LDLRAD4: variants seen among roughly 807,000 people sequenced by gnomAD.
LDLRAD4 encodes the protein low density lipoprotein receptor class A domain containing 4.
Under a neutral mutation model 17.0 loss-of-function variants are expected in LDLRAD4, and 5 were observed. That is an observed-to-expected ratio of 0.29 (90% confidence interval 0.15 to 0.62). The LOEUF is 0.62. LDLRAD4 is among the 20% of genes least tolerant of loss of function. LDLRAD4 has a pLI of 0.84. For missense variants in LDLRAD4, 340 were observed against 424.7 expected (o/e 0.80, Z 1.75); for synonymous variants, 168 against 171.8 (o/e 0.98, Z 0.17).
At chr18:13,545,990 T>C (rs1323899736) in intron 3 of LDLRAD4, among the ~76,000 whole-genome samples, 1 of 152,124 alleles carries the variant, frequency 6.6e-6, no homozygotes, top group African/African-American at 2.4e-5. Context: ...GGATGCAGTG[T>C]TCATAACTGT....
chr18:13,354,794 A>G (rs1377929224), intron 1 of LDLRAD4, among the ~76,000 whole-genome samples: 2 of 152,242 alleles, frequency 1.3e-5, no homozygotes, highest in African/African-American at 2.4e-5. Flanking sequence ...TTTGGTCGGC[A>G]CTGAGGGCAA....
intron 3 of LDLRAD4, among the ~76,000 whole-genome samples, chr18:13,563,994 C>A (rs1244992235): frequency 6.6e-6 from 1 of 152,212 alleles, no homozygotes; most frequent in Non-Finnish European, 1.5e-5. Flanking sequence ...CAGCCTCAAC[C>A]TCCTGAGCTC....
intron 3 of LDLRAD4, among the ~76,000 whole-genome samples, chr18:13,528,150 C>T (rs1431239687): frequency 6.6e-6 from 1 of 152,152 alleles, no homozygotes; most frequent in Non-Finnish European, 1.5e-5. Flanking sequence ...GGTAGCAGAT[C>T]CCTGAGAGTG....
intron 3 of LDLRAD4, among the ~76,000 whole-genome samples, chr18:13,473,778 A>G (rs1430187114): frequency 8.0e-5 from 12 of 149,996 alleles, no homozygotes; most frequent in African/African-American, 2.9e-4. Context: ...GAGAGACGCA[A>G]CCTCAGGCCC....
upstream of LDLRAD4, among the ~76,000 whole-genome samples, chr18:13,275,956 A>G (rs1307471315): frequency 6.6e-6 from 1 of 152,204 alleles, no homozygotes; most frequent in Admixed American, 6.5e-5. Flanking sequence ...TGCGTTTAGT[A>G]TATGCATATA....
intron 1 of LDLRAD4, among the ~76,000 whole-genome samples, chr18:13,248,632 T>C (rs1012468380): frequency 5.3e-5 from 8 of 152,356 alleles, no homozygotes; most frequent in African/African-American, 1.9e-4. Context: ...TATTTTATTT[T>C]AAAAATGGAC....
chr18:13,407,170 G>T (rs2087843653), intron 2 of LDLRAD4, among the ~76,000 whole-genome samples: 1 of 152,150 alleles, frequency 6.6e-6, no homozygotes, highest in Non-Finnish European at 1.5e-5. Flanking sequence ...CTGTAAACTT[G>T]TGCATGAGTG....
In LDLRAD4 at chr18:13,642,745, T is replaced by C. The variant is rs1376842111; in HGVS notation, c.337-614T>C. The stretch of plus-strand genomic sequence containing the variant: ...GGTTGGACAGTCATCTTGAATGTAT[T>C]TCAAGCACACAGGTGTAGAGAGTGA... On this transcript the variant is annotated intron_variant, in intron 4 of 5. Coordinates refer to ENST00000359446, the Ensembl canonical transcript of LDLRAD4. 3 of 1,231,398 alleles carry C rather than the reference T, an allele frequency of 2.4e-6. No homozygotes were observed. The African/African-American group carries it at 4.7e-5, about 19-fold the overall frequency. 76.3% of individuals were successfully genotyped at this position (1,231,398 alleles called of 1,614,324 possible).
intron 3 of LDLRAD4, chr18:13,489,210 A>G (rs891124597): frequency 2.0e-5 from 3 of 147,508 alleles, no homozygotes; most frequent in African/African-American, 5.0e-5. Flanking sequence ...GCTGGAGTGC[A>G]ATGGTTCGAT....
chr18:13,326,501 A>G (rs1349204482), intron 1 of LDLRAD4, among the ~76,000 whole-genome samples: 1 of 152,202 alleles, frequency 6.6e-6, no homozygotes, highest in Non-Finnish European at 1.5e-5. Context: ...GACATGATCA[A>G]TGTGGAATGG....
At chr18:13,261,794 C>T (rs111765036) in intron 1 of LDLRAD4, among the ~76,000 whole-genome samples, 12 of 152,128 alleles carry the variant, frequency 7.9e-5, no homozygotes, top group African/African-American at 2.7e-4. Context: ...CACCTGTATG[C>T]AGTACCTGTG....
At chr18:13,503,004 T>C (rs2093636380) in intron 3 of LDLRAD4, among the ~76,000 whole-genome samples, 1 of 152,204 alleles carries the variant, frequency 6.6e-6, no homozygotes, top group Non-Finnish European at 1.5e-5. Context: ...CAGTCAGGTA[T>C]ATGTGCTTGT....
At chr18:13,567,928 A>G (rs1378490336) in intron 3 of LDLRAD4, among the ~76,000 whole-genome samples, 2 of 152,140 alleles carry the variant, frequency 1.3e-5, no homozygotes, top group Non-Finnish European at 2.9e-5. Flanking sequence ...ACTGTTAGGA[A>G]TTGTGAGTCA....
At chr18:13,637,592 G>T (rs1263376901) in intron 4 of LDLRAD4, among the ~76,000 whole-genome samples, 1 of 152,130 alleles carries the variant, frequency 6.6e-6, no homozygotes, top group Non-Finnish European at 1.5e-5. Context: ...TAGGCTGGGC[G>T]TGGTGGCTCA....
rs780141024 is a variant in LDLRAD4 at position 13,398,326 on chromosome 18, TG to T, written c.40+10565del. Among the ~76,000 whole-genome samples, 1 of 152,066 alleles carries T rather than the reference TG, an allele frequency of 6.6e-6. No homozygotes were observed. The highest frequency in any genetic ancestry group is 1.5e-5 in the Non-Finnish European group (1 of 68,030). On this transcript the variant is annotated intron_variant, in intron 2 of 5. Transcript: ENST00000359446. This position sits in a 1 kb window ranked among gnomAD's most constrained non-coding sequence, Gnocchi z 4.8. ...ATTCTGCTTTTGGAATGCTTAGGCG[TG>T]AAAGCAGCACAGCGTCACGGTGGTG...
exon 2 of LDLRAD4, chr18:13,387,760 C>T (rs749843387): frequency 1.2e-6 from 2 of 1,613,694 alleles, no homozygotes; most frequent in South Asian, 1.1e-5. Context: ...AATGCTTTCA[C>T]AGGTGAGCAT....
chr18:13,627,424 G>A (rs556920477), intron 4 of LDLRAD4, among the ~76,000 whole-genome samples: 9 of 152,146 alleles, frequency 5.9e-5, no homozygotes, highest in Admixed American at 1.3e-4. Flanking sequence ...CCTGTCTCTC[G>A]CTGGGGACCC....
At chr18:13,242,594 AT>A (rs1329857926) in intron 1 of LDLRAD4, among the ~76,000 whole-genome samples, 1 of 152,132 alleles carries the variant, frequency 6.6e-6, no homozygotes, top group African/African-American at 2.4e-5. Context: ...TAAGAACTAA[AT>A]GCAAATGTGG....
intron 1 of LDLRAD4, among the ~76,000 whole-genome samples, chr18:13,359,345 G>A (rs1048492409): frequency 6.6e-6 from 1 of 152,156 alleles, no homozygotes; most frequent in Non-Finnish European, 1.5e-5. Flanking sequence ...TGGGGTCTTA[G>A]CATAGCTTGA....
Sources: allele counts gnomAD v4.1 joint callset (sites outside exome capture counted in the v4.1 genomes callset), GRCh38; gene constraint gnomAD v4.1.1; non-coding constraint Gnocchi (gnomAD v3.1); transcripts MANE v1.5; gene names NCBI Gene and HGNC (gene_info 2026-07-23, HGNC 2026-07-21).